Variants in INTS9 observed in about 807,000 individuals in gnomAD.
INTS9 encodes integrator complex subunit 9.
In INTS9, 55 loss-of-function variants were observed where a neutral mutation model predicts 79.7. The observed-to-expected ratio is 0.69, with a 90% CI of 0.56 to 0.86. INTS9 has a LOEUF of 0.86. Among genes scored for constraint, INTS9 ranks in the 40% least tolerant of loss-of-function variants. The pLI is 0.00. For missense variants in INTS9, 721 were observed against 831.5 expected, an observed-to-expected ratio of 0.87 and a Z score of 1.64; for synonymous variants, 319 against 325.2, an observed-to-expected ratio of 0.98 and a Z score of 0.20.
At chr8:28,769,587 C>A (rs117487797) in intron 16 of INTS9, 2 of 245,094 alleles carry the variant, frequency 8.2e-6, no homozygotes, top group Non-Finnish European at 7.8e-6. Flanking sequence ...AGGGCCGGGT[C>A]CCTCTTTGTC....
chr8:28,838,835 T>C (rs930847279), intron 4 of INTS9, among the ~76,000 whole-genome samples: 2 of 151,906 alleles, frequency 1.3e-5, no homozygotes, highest in Non-Finnish European at 2.9e-5. Context: ...GTAACTCTTA[T>C]GACAGTTCAC....
In INTS9 at chr8:28,768,347, T is replaced by C. The variant is rs140663809; in HGVS notation, c.1801-25A>G. 3.0e-5 allele frequency: 49 copies of C among 1,608,808 alleles called. 1 individual carries two copies. In the Middle Eastern group the frequency reaches 5.0e-4, roughly 16 times the overall value. On this transcript the variant is annotated intron_variant, in intron 16 of 16. Transcript: ENST00000521022. Reference sequence around the variant, plus strand: ...GCTGCTCCAGAAGAAAAGAAAGAGGTGGGCTGGGCAGACTGCACATCTGTG... The same window carrying C: ...GCTGCTCCAGAAGAAAAGAAAGAGGCGGGCTGGGCAGACTGCACATCTGTG...
At chr8:28,872,647 G>A (rs749783776) in intron 1 of INTS9, among the ~76,000 whole-genome samples, 35 of 152,142 alleles carry the variant, frequency 2.3e-4, no homozygotes, top group Non-Finnish European at 4.4e-4. Flanking sequence ...ACTAGAATAG[G>A]GATATGATGG....
At chr8:28,869,478 A>G (rs1808950692) in intron 1 of INTS9, among the ~76,000 whole-genome samples, 1 of 152,214 alleles carries the variant, frequency 6.6e-6, no homozygotes, top group African/African-American at 2.4e-5. Context: ...TCCATGGCCT[A>G]ACAGGGCATA....
chr8:28,858,991 T>G (rs1458580442), intron 2 of INTS9, among the ~76,000 whole-genome samples: 1 of 152,038 alleles, frequency 6.6e-6, no homozygotes, highest in East Asian at 1.9e-4. Flanking sequence ...GGGCTACATA[T>G]GTGGTTCTAA....
chr8:28,788,041 CAGAGA>C, intron 10 of INTS9, 152 bp from the exon 11 acceptor site: 1 of 484,944 alleles, frequency 2.1e-6, no homozygotes. Context: ...CCAGTGCCTA[CAGAGA>C]AGAGATGTAT....
rs989057003 is a variant in INTS9 at position 28,769,696 on chromosome 8, G to A, written c.1800+193C>T. ...TCTGGTGACCTCGTGCTGGGAGGAA[G>A]GATGGGGCACTCCTCACTCTGCTTT... On this transcript the variant is annotated intron_variant, in intron 16 of 16. Coordinates refer to ENST00000521022, the MANE Select transcript of INTS9 (RefSeq NM_018250.4). The A allele has an allele frequency of 2.3e-4, 153 of 655,830 alleles. 2 individuals are homozygous for A. The South Asian group carries it at 3.0e-3, about 13-fold the overall frequency. The allele number at this position is 655,830 out of a possible 1,614,324, so 40.6% of individuals were successfully genotyped here.
In INTS9 at chr8:28,812,904, A is replaced by G. The variant is rs1445385812; in HGVS notation, c.610-443T>C. On this transcript the variant is annotated intron_variant, in intron 7 of 16. Coordinates refer to ENST00000521022, the MANE Select transcript of INTS9 (RefSeq NM_018250.4). Reference sequence around the variant, plus strand: ...AAGTTTTAAGGAAAACAGAAAGATGATGGAGATCAACTGGCAGACAAAGAA... The same window carrying G: ...AAGTTTTAAGGAAAACAGAAAGATGGTGGAGATCAACTGGCAGACAAAGAA... 2.6e-5 allele frequency among the ~76,000 whole-genome samples: 4 copies of G among 152,204 alleles called. No homozygotes were observed. The East Asian group carries it at 7.7e-4, about 29-fold the overall frequency.
At chr8:28,858,291 C>CT (rs1169936914) in intron 2 of INTS9, among the ~76,000 whole-genome samples, 4 of 152,152 alleles carry the variant, frequency 2.6e-5, no homozygotes, top group African/African-American at 7.2e-5. Context: ...CCCTGATAGA[C>CT]TAAGTTCCAT....
At chr8:28,839,412 A>T (rs1807023454) in intron 4 of INTS9, among the ~76,000 whole-genome samples, 1 of 151,922 alleles carries the variant, frequency 6.6e-6, no homozygotes, top group Non-Finnish European at 1.5e-5. Flanking sequence ...GCTACCAATG[A>T]CTTTCTTCAC....
intron 6 of INTS9, among the ~76,000 whole-genome samples, chr8:28,820,204 G>T (rs1162124394): frequency 6.6e-6 from 1 of 152,298 alleles, no homozygotes; most frequent in Non-Finnish European, 1.5e-5. Flanking sequence ...TATGATGTTA[G>T]CTGGTTATTT....
At chr8:28,798,904 G>A (rs576012549) in intron 8 of INTS9, among the ~76,000 whole-genome samples, 10 of 152,334 alleles carry the variant, frequency 6.6e-5, no homozygotes, top group South Asian at 6.2e-4. Context: ...ATTTGAGGCT[G>A]CAGTGAGCTA....
intron 1 of INTS9, among the ~76,000 whole-genome samples, chr8:28,864,704 A>T (rs1015879279): frequency 5.3e-5 from 8 of 152,184 alleles, no homozygotes; most frequent in Non-Finnish European, 1.2e-4. Context: ...CATGTGCGTG[A>T]GAATGAGATA....
chr8:28,880,169 T>C (rs1408866891), intron 1 of INTS9, among the ~76,000 whole-genome samples: 2 of 152,214 alleles, frequency 1.3e-5, no homozygotes, highest in Non-Finnish European at 1.5e-5. Flanking sequence ...CTTATAAAGC[T>C]AGAATATCTC....
At chr8:28,845,492 G>A (rs1196556228) in intron 4 of INTS9, among the ~76,000 whole-genome samples, 2 of 152,138 alleles carry the variant, frequency 1.3e-5, no homozygotes, top group African/African-American at 4.8e-5. Flanking sequence ...ACTGTGGAAT[G>A]GTAACTGTCT....
At chr8:28,786,726 T>C (rs1252962038) in intron 11 of INTS9, among the ~76,000 whole-genome samples, 1 of 152,210 alleles carries the variant, frequency 6.6e-6, no homozygotes, top group Non-Finnish European at 1.5e-5. Flanking sequence ...TTTTCTTTTT[T>C]TCTTTTTTTG....
Position 28,780,983 on chromosome 8 carries a change from G to A in INTS9, c.1110C>T (p.Thr370=), listed in dbSNP as rs141502256. The change falls in exon 12 of 17, where the codon ACC becomes ACT. Residue 370 remains threonine, a synonymous_variant. Coordinates refer to ENST00000521022, the MANE Select transcript of INTS9 (RefSeq NM_018250.4). The part of the protein sequence containing the change: ...PPFPHAELIQ[T]NKLKHYPSIH... ...TGCTGGGGTAGTGCTTCAGCTTATT[G>A]GTCTGAATGAGCTGGAAAATATAGA... is the stretch of plus-strand genomic sequence containing the variant. 65 of 1,613,260 alleles carry A rather than the reference G, an allele frequency of 4.0e-5. No homozygotes were observed. The African/African-American group carries it at 8.0e-4, about 20-fold the overall frequency.
At chr8:28,802,421 T>C (rs930809392) in intron 8 of INTS9, among the ~76,000 whole-genome samples, 4 of 152,086 alleles carry the variant, frequency 2.6e-5, no homozygotes, top group Non-Finnish European at 5.9e-5. Flanking sequence ...TCAAATAATC[T>C]CTCCTCTCCT....
intron 1 of INTS9, among the ~76,000 whole-genome samples, chr8:28,881,820 G>A (rs1174869107): frequency 6.9e-6 from 1 of 145,722 alleles, no homozygotes; most frequent in African/African-American, 2.5e-5. Flanking sequence ...CGCCCCGTCC[G>A]GGAGGGTGGT....
Sources: gnomAD v4.1 joint callset for allele counts (sites outside exome capture counted in the v4.1 genomes callset) on GRCh38, gnomAD v4.1.1 for gene constraint, MANE v1.5 for transcripts, NCBI Gene and HGNC (gene_info 2026-07-23, HGNC 2026-07-21) for gene names.